Variants in RAB33A observed in about 807,000 individuals in gnomAD.
RAB33A encodes the protein ras-related protein Rab-33A.
RAB33A carries 6 observed loss-of-function variants against 12.0 expected under a neutral mutation model. That is an observed-to-expected ratio of 0.50 (90% CI 0.27 to 0.99). The LOEUF is 0.99. RAB33A is among the 50% of genes least tolerant of loss of function. The probability of loss-of-function intolerance (pLI) is 0.11; values close to 1 mark genes in which losing one functional copy is unlikely to be tolerated. For missense variants in RAB33A, 109 were observed against 192.0 expected, an observed-to-expected ratio of 0.57 and a Z score of 2.55; for synonymous variants, 70 against 82.4, an observed-to-expected ratio of 0.85 and a Z score of 0.81.
At chrX:130,139,676 T>C in the RAB33A span, 8 of 642,271 alleles carry the variant, frequency 1.2e-5, no homozygotes, top group Non-Finnish European at 2.1e-5. Context: ...ATAACAAGTC[T>C]GGAGAAGAGC....
chrX:130,169,594 A>G (rs1011189594), upstream of RAB33A, among the ~76,000 whole-genome samples: 3 of 112,083 alleles, frequency 2.7e-5, no homozygotes, highest in Admixed American at 9.5e-5. Flanking sequence ...TCCAAAAAAT[A>G]TAAGTGGAAA....
At chrX:130,174,480 C>A (rs901016467) in intron 1 of RAB33A, among the ~76,000 whole-genome samples, 2 of 112,076 alleles carry the variant, frequency 1.8e-5, no homozygotes, top group African/African-American at 6.5e-5. Context: ...CAGAGCCTGG[C>A]GGCTAGCACG....
At chrX:130,115,042 G>A in the RAB33A span, among the ~76,000 whole-genome samples, 4 of 110,032 alleles carry the variant, frequency 3.6e-5, no homozygotes, top group Admixed American at 1.0e-4. Flanking sequence ...GGGCTCAAGC[G>A]ATTCTCTCAC....
the RAB33A span, chrX:130,135,914 T>C: frequency 1.0e-5 from 9 of 894,114 alleles, no homozygotes; most frequent in Non-Finnish European, 1.5e-5. Context: ...ATTTCTATTC[T>C]GTACCCTCAG....
chrX:130,153,178 C>CAAAAAAAA, the RAB33A span, among the ~76,000 whole-genome samples: 729 of 43,523 alleles, frequency 0.017, no homozygotes, highest in African/African-American at 0.022. Context: ...ACTAAAAATA[C>CAAAAAAAA]AAAAAAAAAA....
chrX:130,150,461 A>G, the RAB33A span, among the ~76,000 whole-genome samples: 1 of 97,089 alleles, frequency 1.0e-5, no homozygotes. Flanking sequence ...TCAGCCTCCC[A>G]AGTAGCTGGG....
the RAB33A span, among the ~76,000 whole-genome samples, chrX:130,146,493 A>G: frequency 1.1e-5 from 1 of 89,618 alleles, no homozygotes; most frequent in Non-Finnish European, 2.2e-5. Context: ...GTGTGTGTGT[A>G]TGCATATGTA....
At chrX:130,156,852 A>G in the RAB33A span, among the ~76,000 whole-genome samples, 3 of 111,914 alleles carry the variant, frequency 2.7e-5, no homozygotes, top group Non-Finnish European at 3.8e-5. Flanking sequence ...AGCTTCCAGA[A>G]AAGATCATGA....
the RAB33A span, chrX:130,139,865 G>A: frequency 5.8e-6 from 7 of 1,208,489 alleles, no homozygotes; most frequent in Non-Finnish European, 7.8e-6. Flanking sequence ...ACTTCTTGGA[G>A]TACCTCCTGG....
At chrX:130,152,951 T>G in the RAB33A span, among the ~76,000 whole-genome samples, 4 of 111,311 alleles carry the variant, frequency 3.6e-5, no homozygotes, top group Admixed American at 9.6e-5. Context: ...TTTTTGAAGC[T>G]TTGTTTCTTT....
the RAB33A span, among the ~76,000 whole-genome samples, chrX:130,145,117 C>T: frequency 1.8e-5 from 2 of 112,323 alleles, no homozygotes; most frequent in African/African-American, 3.2e-5. Flanking sequence ...CAATATATTC[C>T]GTGCTGAGTT....
chrX:130,146,577 G>T, the RAB33A span, among the ~76,000 whole-genome samples: 2 of 109,287 alleles, frequency 1.8e-5, no homozygotes, highest in Non-Finnish European at 3.8e-5. Flanking sequence ...GGGGGTGAGG[G>T]AAAAGGGTAA....
the RAB33A span, among the ~76,000 whole-genome samples, chrX:130,115,424 C>T: frequency 8.9e-6 from 1 of 111,858 alleles, no homozygotes; most frequent in Non-Finnish European, 1.9e-5. Context: ...GCCAGACTGA[C>T]CAACATGGGG....
chrX:130,137,172 G>A, the RAB33A span: 2 of 1,211,380 alleles, frequency 1.7e-6, no homozygotes, highest in Non-Finnish European at 2.2e-6. Flanking sequence ...TCACTTCTGT[G>A]CCCAAGGCTC....
At chrX:130,166,293 C>T in the RAB33A span, among the ~76,000 whole-genome samples, 6 of 111,449 alleles carry the variant, frequency 5.4e-5, no homozygotes, top group African/African-American at 2.0e-4. Context: ...CGGCTCTTTC[C>T]CACCCAACCC....
At chrX:130,143,863 G>A in the RAB33A span, among the ~76,000 whole-genome samples, 1 of 110,151 alleles carries the variant, frequency 9.1e-6, no homozygotes, top group Non-Finnish European at 1.9e-5. Context: ...AAAAAGTACT[G>A]TACACTGTAC....
the RAB33A span, among the ~76,000 whole-genome samples, chrX:130,134,311 T>C: frequency 9.0e-6 from 1 of 111,626 alleles, no homozygotes; most frequent in Non-Finnish European, 1.9e-5. Flanking sequence ...TGTTTACTTA[T>C]GTCTACTTCC....
intron 1 of RAB33A, among the ~76,000 whole-genome samples, chrX:130,176,128 G>A (rs1323354771): frequency 4.5e-5 from 5 of 111,682 alleles, no homozygotes; most frequent in African/African-American, 1.6e-4. Flanking sequence ...CCTGACATCA[G>A]CCTAGGAAGG....
chrX:130,115,917 G>C, the RAB33A span, among the ~76,000 whole-genome samples: 1 of 110,388 alleles, frequency 9.1e-6, no homozygotes, highest in Non-Finnish European at 1.9e-5. Flanking sequence ...GCATCTGTTG[G>C]GTTTACATGA....
Sources: gnomAD v4.1 joint callset for allele counts (sites outside exome capture counted in the v4.1 genomes callset) on GRCh38, gnomAD v4.1.1 for gene constraint, MANE v1.5 for transcripts, NCBI Gene and HGNC (gene_info 2026-07-23, HGNC 2026-07-21) for gene names.